SCUBE1: variants seen among roughly 807,000 people sequenced by gnomAD.
The protein encoded by SCUBE1 is signal peptide, CUB domain and EGF like domain containing 1, also known as signal peptide, CUB and EGF-like domain-containing protein 1.
A neutral mutation model predicts 124.4 loss-of-function variants in SCUBE1; 59 were observed. The observed-to-expected ratio is 0.47, with a 90% CI of 0.38 to 0.59. SCUBE1 has a LOEUF of 0.59. Ranked by LOEUF, SCUBE1 falls within the 20% of genes least tolerant of loss-of-function variation. The pLI, the probability that SCUBE1 is intolerant of heterozygous loss-of-function variation, is 0.00. For synonymous variants in SCUBE1, 545 were observed against 550.9 expected (o/e 0.99, Z 0.15); for missense variants, 1,150 against 1,371.2 (o/e 0.84, Z 2.55).
rs1264274653 is a variant in SCUBE1, at chr22:43,201,755, A to G, written c.*2242T>C. 6.6e-6 allele frequency: 1 copy of G among 152,206 alleles called. No individual in the cohort carries two copies. The highest frequency in any genetic ancestry group is 1.5e-5 in the Non-Finnish European group (1 of 68,066). The allele number at this position is 152,206 out of a possible 1,614,324, so 9.4% of individuals were successfully genotyped here. ...CTCCAGAATCTGTGAGCCAGTTCCCATAATGCAGCCCCTCACACATCTACG... is the reference window on the plus strand; with the variant it reads ...CTCCAGAATCTGTGAGCCAGTTCCCGTAATGCAGCCCCTCACACATCTACG... On this transcript the variant is annotated 3_prime_UTR_variant, in exon 22 of 22. Coordinates refer to ENST00000360835, the MANE Select transcript of SCUBE1 (RefSeq NM_173050.5).
Position 43,264,004 on chromosome 22 carries a change from C to T in SCUBE1, c.485-1159G>A, listed in dbSNP as rs143790770. On this transcript the variant is annotated intron_variant, in intron 4 of 21. Coordinates refer to ENST00000360835, the MANE Select transcript of SCUBE1 (RefSeq NM_173050.5). ...CACACAGATAGTGGCGTGCGGTCAA[C>T]GCTTAACAGCCGGCAGGGGTGGAGG... Among the ~76,000 whole-genome samples the T allele has an allele frequency of 6.8e-3, 1,043 of 152,274 alleles. 33 individuals carry two copies. Among genetic ancestry groups the T allele is most frequent in the Admixed American group, 0.06 (925 of 15,298 alleles).
intron 4 of SCUBE1, among the ~76,000 whole-genome samples, chr22:43,287,414 G>T (rs1373585675): frequency 6.6e-6 from 1 of 152,242 alleles, no homozygotes; most frequent in South Asian, 2.1e-4. Context: ...GGAGGCAAGA[G>T]TAACTGTGCA....
intron 3 of SCUBE1, among the ~76,000 whole-genome samples, chr22:43,309,649 A>G (rs906810337): frequency 6.6e-6 from 1 of 152,000 alleles, no homozygotes; most frequent in Non-Finnish European, 1.5e-5. Flanking sequence ...ATGGCTGCTT[A>G]TCATTTCAAA....
intron 6 of SCUBE1, among the ~76,000 whole-genome samples, chr22:43,245,097 CT>C (rs1923154858): frequency 6.6e-6 from 1 of 152,282 alleles, no homozygotes; most frequent in African/African-American, 2.4e-5. Context: ...TGGCAAGCCC[CT>C]GACACAGTGG....
chr22:43,263,179 T>G (rs538056381), intron 4 of SCUBE1, among the ~76,000 whole-genome samples: 81 of 152,180 alleles, frequency 5.3e-4, no homozygotes, highest in African/African-American at 1.8e-3. Flanking sequence ...TAGAACTACT[T>G]TTGTGTCAGG....
chr22:43,219,174 G>A lies in SCUBE1; in HGVS notation c.1688-716C>T, dbSNP rs1030295488. Among the ~76,000 whole-genome samples the A allele has an allele frequency of 9.2e-5, 14 of 152,292 alleles. No individual in the cohort carries two copies. The East Asian group carries it at 2.7e-3, about 29-fold the overall frequency. On this transcript the variant is annotated intron_variant, in intron 14 of 21. Coordinates refer to ENST00000360835, the MANE Select transcript of SCUBE1 (RefSeq NM_173050.5). ...TGGTGGGAGGTGTCTGGGTCATGGG[G>A]TAGGTCCCTCATGAATGGCCTGGTG... is the stretch of plus-strand genomic sequence containing the variant.
chr22:43,321,017 C>G (rs1926526545), intron 2 of SCUBE1, among the ~76,000 whole-genome samples: 1 of 152,216 alleles, frequency 6.6e-6, no homozygotes, highest in African/African-American at 2.4e-5. Flanking sequence ...TCACTCATCT[C>G]AACCGGCAGT....
chr22:43,306,426 T>C (rs1021914065), intron 3 of SCUBE1, among the ~76,000 whole-genome samples: 5 of 152,312 alleles, frequency 3.3e-5, no homozygotes, highest in Admixed American at 2.0e-4. Context: ...CGGTATTCTC[T>C]GCTCTGAGAC....
chr22:43,229,291 C>T (rs973004699), intron 8 of SCUBE1, 103 bp from the exon 9 acceptor site: 29 of 840,738 alleles, frequency 3.4e-5, no homozygotes, highest in South Asian at 2.8e-4. Context: ...TGTGGACACA[C>T]AGTCCCTGGG....
intron 4 of SCUBE1, among the ~76,000 whole-genome samples, chr22:43,278,229 G>A (rs909727331): frequency 6.6e-6 from 1 of 152,260 alleles, no homozygotes; most frequent in African/African-American, 2.4e-5. Context: ...AAGCAAGGGA[G>A]CTGTTTATTC....
chr22:43,322,894 G>C (rs984353356), intron 2 of SCUBE1, among the ~76,000 whole-genome samples: 2 of 152,144 alleles, frequency 1.3e-5, no homozygotes, highest in Non-Finnish European at 2.9e-5. Context: ...ATATACACCA[G>C]CCCTTTTAAT....
chr22:43,221,167 A>G lies in SCUBE1; in HGVS notation c.1549+6T>C. 6.2e-7 allele frequency: 1 copy of G among 1,601,774 alleles called. No homozygotes were observed. Among genetic ancestry groups the G allele is most frequent in the Non-Finnish European group, 8.5e-7 (1 of 1,174,356 alleles). ...GTGTGGGTTAGGAGCAGGGCGTCCC[A>G]CTCACCCAGCAGCGGCTGCCTGGCG... On this transcript the variant is annotated splice_donor_region_variant and intron_variant, in intron 13 of 21. Transcript: ENST00000360835.
At position 43,280,730 on chromosome 22, in the gene SCUBE1, CT is replaced by C. The variant is rs1395195183; in HGVS notation, c.484+10315del. ...TCCTCCTCGGCCACCCTCCTGTCACCTTCCTCCTCGGCCACCCTCCTGTCAC... is the reference window on the plus strand; with the variant it reads ...TCCTCCTCGGCCACCCTCCTGTCACCTCCTCCTCGGCCACCCTCCTGTCAC... On this transcript the variant is annotated intron_variant, in intron 4 of 21. Transcript: ENST00000360835. Among the ~76,000 whole-genome samples the C allele has an allele frequency of 6.4e-3, 468 of 73,588 alleles. 3 individuals are homozygous for C. Among genetic ancestry groups the C allele is most frequent in the Middle Eastern group, 9.8e-3 (1 of 102 alleles). The allele number at this position is 73,588 out of a possible 152,430, so 48.3% of individuals were successfully genotyped here.
chr22:43,263,993 C>T (rs1284630677), intron 4 of SCUBE1, among the ~76,000 whole-genome samples: 3 of 152,148 alleles, frequency 2.0e-5, no homozygotes, highest in Non-Finnish European at 2.9e-5. Context: ...CAGATAGTGG[C>T]GTGCGGTCAA....
chr22:43,341,072 G>A (rs917703763), intron 1 of SCUBE1, among the ~76,000 whole-genome samples: 3 of 131,096 alleles, frequency 2.3e-5, no homozygotes, highest in Non-Finnish European at 5.0e-5. Flanking sequence ...ACAACAGCAT[G>A]ACCCCCCTGC....
intron 6 of SCUBE1, 82 bp from the exon 7 acceptor site, chr22:43,239,036 G>C (rs909367373): frequency 1.8e-6 from 2 of 1,097,188 alleles, no homozygotes; most frequent in African/African-American, 1.5e-5. Flanking sequence ...GATCTTCTAT[G>C]AGACAGGAGA....
intron 3 of SCUBE1, among the ~76,000 whole-genome samples, chr22:43,318,942 G>C (rs1229136506): frequency 6.6e-6 from 1 of 152,088 alleles, no homozygotes; most frequent in Non-Finnish European, 1.5e-5. Context: ...GGCTGGTCTT[G>C]AACTTCGGAC....
chr22:43,215,887 A>C (rs1471718270), intron 15 of SCUBE1, among the ~76,000 whole-genome samples: 2 of 151,168 alleles, frequency 1.3e-5, no homozygotes, highest in East Asian at 3.9e-4. Context: ...TGAAGACTAC[A>C]CACTCACACA....
In SCUBE1 at chr22:43,223,220, T is replaced by C. The variant is rs757223024; in HGVS notation, c.1208-4A>G. 7 of 1,568,638 alleles carry C rather than the reference T, an allele frequency of 4.5e-6. No homozygotes were observed. In the East Asian group the frequency reaches 7.1e-5, roughly 16 times the overall value. On this transcript the variant is annotated splice_region_variant and splice_polypyrimidine_tract_variant and intron_variant, in intron 10 of 21. Transcript: ENST00000360835. Reference sequence around the variant, plus strand: ...CGAGAAAGACACTTGCCTGTCTCTATGAAGGGAGATACGAGAGAGGGCTGA... The same window carrying C: ...CGAGAAAGACACTTGCCTGTCTCTACGAAGGGAGATACGAGAGAGGGCTGA...
Sources: gnomAD v4.1 joint callset for allele counts (sites outside exome capture counted in the v4.1 genomes callset) on GRCh38, gnomAD v4.1.1 for gene constraint, MANE v1.5 for transcripts, NCBI Gene and HGNC (gene_info 2026-07-23, HGNC 2026-07-21) for gene names.